Variants in ZCCHC7 observed in about 807,000 individuals in gnomAD.
ZCCHC7 encodes the protein zinc finger CCHC domain-containing protein 7.
In ZCCHC7, 35 loss-of-function variants were observed where a neutral mutation model predicts 52.0. The ratio of observed to expected loss-of-function variants is 0.67; its 90% confidence interval spans 0.51 to 0.89. The LOEUF is 0.89. ZCCHC7 is among the 40% of genes least tolerant of loss of function. The pLI is 0.00. For synonymous variants in ZCCHC7, 217 were observed against 221.5 expected (o/e 0.98, Z 0.18); for missense variants, 574 against 649.1 (o/e 0.88, Z 1.26).
chr9:37,125,075 C>T (rs1234458715), intron 1 of ZCCHC7, among the ~76,000 whole-genome samples: 1 of 152,222 alleles, frequency 6.6e-6, no homozygotes, highest in Admixed American at 6.5e-5. Context: ...TGGTCTCGAA[C>T]TCCTGACTCA....
chr9:37,337,588 A>G (rs1426072493), intron 6 of ZCCHC7, among the ~76,000 whole-genome samples: 1 of 152,170 alleles, frequency 6.6e-6, no homozygotes, highest in Non-Finnish European at 1.5e-5. Flanking sequence ...AGAAGCTGGC[A>G]TGAAAATTGA....
intron 2 of ZCCHC7, among the ~76,000 whole-genome samples, chr9:37,242,155 A>G (rs1024471551): frequency 2.0e-5 from 3 of 151,804 alleles, no homozygotes; most frequent in African/African-American, 7.2e-5. Flanking sequence ...TAAGGAAATC[A>G]TAACTGCTTA....
intron 2 of ZCCHC7, among the ~76,000 whole-genome samples, chr9:37,271,382 G>A (rs1391361854): frequency 6.6e-6 from 1 of 152,178 alleles, no homozygotes; most frequent in Non-Finnish European, 1.5e-5. Flanking sequence ...AAGAAATATG[G>A]AAGGGGGAAA....
chr9:37,302,197 G>A lies in ZCCHC7; in HGVS notation c.620G>A (p.Gly207Asp), dbSNP rs759921622. Reference protein sequence around the residue: ...CENSVTEGEDGINWSISDKDI... With the variant: ...CENSVTEGEDDINWSISDKDI... ...TTTATTTGTTTTGTAGGAGAAGATG[G>A]TATAAACTGGTCCATCAGTGACAAA... Residue 207 changes from glycine (G) to aspartate (D), a missense_variant, in exon 3 of 9, where the codon GGT becomes GAT. Transcript: ENST00000336755. 1 of 1,608,740 alleles carries A rather than the reference G, an allele frequency of 6.2e-7. No homozygotes were observed. Among genetic ancestry groups the A allele is most frequent in the Non-Finnish European group, 8.5e-7 (1 of 1,176,930 alleles).
intron 2 of ZCCHC7, among the ~76,000 whole-genome samples, chr9:37,142,707 C>T (rs1484169346): frequency 6.6e-6 from 1 of 151,624 alleles, no homozygotes; most frequent in Non-Finnish European, 1.5e-5. Flanking sequence ...ATATAGGCTT[C>T]ATGAGTTTGT....
intron 2 of ZCCHC7, among the ~76,000 whole-genome samples, chr9:37,296,290 A>G (rs1013548734): frequency 6.6e-6 from 1 of 152,226 alleles, no homozygotes; most frequent in African/African-American, 2.4e-5. Flanking sequence ...AAATATTACA[A>G]ATGTAAAAAA....
chr9:37,324,907 A>ACT (rs1830179725), intron 5 of ZCCHC7, among the ~76,000 whole-genome samples: 1 of 152,304 alleles, frequency 6.6e-6, no homozygotes, highest in South Asian at 2.1e-4. Flanking sequence ...GTCTGCTGTC[A>ACT]GGGGCTGTTT....
At chr9:37,153,066 A>G (rs1177217205) in intron 2 of ZCCHC7, among the ~76,000 whole-genome samples, 1 of 152,002 alleles carries the variant, frequency 6.6e-6, no homozygotes, top group African/African-American at 2.4e-5. Flanking sequence ...GACCTTTGGG[A>G]GTGCTTTCAG....
chr9:37,223,481 G>C (rs549158630), intron 2 of ZCCHC7, among the ~76,000 whole-genome samples: 6 of 152,078 alleles, frequency 3.9e-5, no homozygotes, highest in Non-Finnish European at 4.4e-5. Context: ...GGTTACTGGG[G>C]GTTGGGTGGG....
At chr9:37,146,932 C>T (rs1031355357) in intron 2 of ZCCHC7, among the ~76,000 whole-genome samples, 3 of 151,796 alleles carry the variant, frequency 2.0e-5, no homozygotes, top group African/African-American at 7.2e-5. Context: ...TAGGGAATAA[C>T]ATCAACTATT....
At chr9:37,215,398 A>G (rs1172655873) in intron 2 of ZCCHC7, among the ~76,000 whole-genome samples, 2 of 152,236 alleles carry the variant, frequency 1.3e-5, no homozygotes, top group African/African-American at 4.8e-5. Context: ...GAAAGATAAT[A>G]GAAAAGAAAT....
chr9:37,341,099 G>T (rs901134607), intron 6 of ZCCHC7, among the ~76,000 whole-genome samples: 2 of 152,040 alleles, frequency 1.3e-5, no homozygotes, highest in Non-Finnish European at 2.9e-5. Flanking sequence ...TCAAAATCTC[G>T]ATTAAGAAGG....
At chr9:37,208,434 T>C (rs1442769339) in intron 2 of ZCCHC7, among the ~76,000 whole-genome samples, 1 of 152,168 alleles carries the variant, frequency 6.6e-6, no homozygotes, top group African/African-American at 2.4e-5. Flanking sequence ...CACCAACCCT[T>C]TCTCACTTCT....
At chr9:37,284,234 C>A (rs1828106539) in intron 2 of ZCCHC7, 1 of 152,074 alleles carries the variant, frequency 6.6e-6, no homozygotes, top group African/African-American at 2.4e-5. Flanking sequence ...GCTTTGAAAA[C>A]CATGAGCCAT....
chr9:37,314,375 A>T lies in ZCCHC7; in HGVS notation c.951+8661A>T, dbSNP rs549226771. Among the ~76,000 whole-genome samples the T allele has an allele frequency of 2.0e-5, 3 of 152,344 alleles. No homozygotes were observed. In the South Asian group the frequency reaches 6.2e-4, roughly 32 times the overall value. ...GAAGACACAGGTCTCTGATGTATAA[A>T]GCAGAAGGCCACTAAGAATTTTATT... On this transcript the variant is annotated intron_variant, in intron 5 of 8. Transcript: ENST00000336755.
chr9:37,174,828 C>T (rs541200299), intron 2 of ZCCHC7, among the ~76,000 whole-genome samples: 1 of 152,164 alleles, frequency 6.6e-6, no homozygotes, highest in East Asian at 1.9e-4. Flanking sequence ...GAAAGTTACC[C>T]TAACAGCCTT....
At chr9:37,287,995 G>T (rs1828335967) in intron 2 of ZCCHC7, among the ~76,000 whole-genome samples, 1 of 151,882 alleles carries the variant, frequency 6.6e-6, no homozygotes, top group Non-Finnish European at 1.5e-5. Flanking sequence ...ATTCTGTCTA[G>T]AGGCTGGGTG....
At chr9:37,151,213 G>A (rs142891998) in intron 2 of ZCCHC7, among the ~76,000 whole-genome samples, 7,543 of 151,866 alleles carry the variant, frequency 0.05, 287 homozygotes, top group Middle Eastern at 0.19. Context: ...TGATCCACCC[G>A]CCTCGGCCTC....
intron 2 of ZCCHC7, among the ~76,000 whole-genome samples, chr9:37,274,725 A>G (rs950031334): frequency 2.0e-5 from 3 of 152,016 alleles, no homozygotes; most frequent in African/African-American, 7.2e-5. Context: ...TATGGTCTGT[A>G]TCTTTTAAAT....
Sources: allele counts gnomAD v4.1 joint callset (sites outside exome capture counted in the v4.1 genomes callset), GRCh38; gene constraint gnomAD v4.1.1; transcripts MANE v1.5; gene names NCBI Gene and HGNC (gene_info 2026-07-23, HGNC 2026-07-21).